Variants in CNTNAP2 observed in about 807,000 individuals in gnomAD.
The protein encoded by CNTNAP2 is contactin-associated protein-like 2.
A neutral mutation model predicts 155.2 loss-of-function variants in CNTNAP2; 98 were observed. The ratio of observed to expected loss-of-function variants is 0.63; its 90% CI spans 0.54 to 0.75. The LOEUF (loss-of-function observed/expected upper bound fraction) is 0.75. Among genes scored for constraint, CNTNAP2 ranks in the 30% least tolerant of loss-of-function variants. The pLI, the probability that CNTNAP2 is intolerant of heterozygous loss-of-function variation, is 0.00. For missense variants in CNTNAP2, 1,727 were observed against 1,688.1 expected, an observed-to-expected ratio of 1.02 and a Z score of -0.40; for synonymous variants, 651 against 631.2, an observed-to-expected ratio of 1.03 and a Z score of -0.47.
At chr7:147,410,272 G>T (rs1047866228) in intron 10 of CNTNAP2, among the ~76,000 whole-genome samples, 1 of 152,184 alleles carries the variant, frequency 6.6e-6, no homozygotes, top group Non-Finnish European at 1.5e-5. Flanking sequence ...ATTATCCTTA[G>T]CAAACTAACA....
At chr7:147,162,671 A>G (rs977776147) in intron 8 of CNTNAP2, among the ~76,000 whole-genome samples, 4 of 152,158 alleles carry the variant, frequency 2.6e-5, no homozygotes, top group African/African-American at 9.7e-5. Context: ...TGTAGTAGTT[A>G]ACCAGCACCC....
At position 147,550,049 on chromosome 7, in the gene CNTNAP2, G is replaced by C. The variant is rs1052941302; in HGVS notation, c.1778-12089G>C. ...GGATTTAGAAGTTGCACTATATAAT[G>C]AGAAATGAGTACTGCAGATCCTTAG... On this transcript the variant is annotated intron_variant, in intron 11 of 23. Coordinates refer to ENST00000361727, the MANE Select transcript of CNTNAP2 (RefSeq NM_014141.6). Among the ~76,000 whole-genome samples the C allele has an allele frequency of 4.6e-5, 7 of 152,266 alleles. No homozygotes were observed. In the East Asian group the frequency reaches 9.6e-4, roughly 21 times the overall value.
intron 13 of CNTNAP2, among the ~76,000 whole-genome samples, chr7:147,752,869 G>C (rs1797158643): frequency 1.3e-5 from 2 of 152,168 alleles, no homozygotes; most frequent in African/African-American, 4.8e-5. Context: ...AAAACAGTCA[G>C]AGGGCATGGC....
chr7:147,021,061 G>A (rs1054187361), intron 3 of CNTNAP2, among the ~76,000 whole-genome samples: 1 of 152,120 alleles, frequency 6.6e-6, no homozygotes, highest in Non-Finnish European at 1.5e-5. Flanking sequence ...AAGGAATCAC[G>A]CAAGTTCAAT....
chr7:146,830,335 A>G (rs1197552201), intron 2 of CNTNAP2, among the ~76,000 whole-genome samples: 1 of 152,096 alleles, frequency 6.6e-6, no homozygotes, highest in Non-Finnish European at 1.5e-5. Flanking sequence ...ATTTTTGAAA[A>G]AGGAAACAAG....
chr7:148,043,319 G>A (rs1802712029), intron 15 of CNTNAP2, among the ~76,000 whole-genome samples: 1 of 152,160 alleles, frequency 6.6e-6, no homozygotes, highest in African/African-American at 2.4e-5. Context: ...ATCAAGGTGT[G>A]TAACAAAGAC....
At chr7:147,007,131 C>A (rs1196722517) in intron 3 of CNTNAP2, among the ~76,000 whole-genome samples, 1 of 152,058 alleles carries the variant, frequency 6.6e-6, no homozygotes, top group Non-Finnish European at 1.5e-5. Flanking sequence ...GTGTTTTTTA[C>A]TATTATGATG....
At chr7:146,746,963 C>T (rs891185166) in intron 1 of CNTNAP2, among the ~76,000 whole-genome samples, 1 of 151,820 alleles carries the variant, frequency 6.6e-6, no homozygotes, top group Non-Finnish European at 1.5e-5. Flanking sequence ...GAAAATAATC[C>T]CCAGAATTGA....
intron 6 of CNTNAP2, among the ~76,000 whole-genome samples, chr7:147,123,513 T>C (rs1013501843): frequency 6.6e-6 from 1 of 152,230 alleles, no homozygotes; most frequent in African/African-American, 2.4e-5. Flanking sequence ...ACTGCAGGTA[T>C]AGACTAAAAT....
At chr7:148,289,595 A>G (rs918847899) in intron 21 of CNTNAP2, among the ~76,000 whole-genome samples, 2 of 151,986 alleles carry the variant, frequency 1.3e-5, no homozygotes, top group African/African-American at 4.8e-5. Context: ...ACACACACAC[A>G]CACACACCCC....
intron 21 of CNTNAP2, among the ~76,000 whole-genome samples, chr7:148,352,457 T>C (rs1273004738): frequency 6.6e-6 from 1 of 152,250 alleles, no homozygotes; most frequent in Non-Finnish European, 1.5e-5. Context: ...ACTTACTGGA[T>C]GAGCAGGTTT....
In CNTNAP2 at chr7:147,889,663, A is replaced by G. The variant is rs192143787; in HGVS notation, c.2099-13902A>G. Among the ~76,000 whole-genome samples the G allele has an allele frequency of 1.1e-4, 16 of 152,326 alleles. No homozygotes were observed. The East Asian group carries it at 3.1e-3, about 29-fold the overall frequency. ...TATAGGTCAGAAGCCTTTAAAAATC[A>G]TTAAGTGTACAGAGCAGCAGTATCC... On this transcript the variant is annotated intron_variant, in intron 13 of 23. Coordinates refer to ENST00000361727, the MANE Select transcript of CNTNAP2 (RefSeq NM_014141.6).
chr7:147,325,561 G>GT (rs1479391446), intron 9 of CNTNAP2, among the ~76,000 whole-genome samples: 4 of 152,118 alleles, frequency 2.6e-5, no homozygotes, highest in African/African-American at 9.7e-5. Context: ...AAAATGAAGC[G>GT]TAACTCCTAT....
At chr7:147,660,122 T>G (rs774926549) in intron 13 of CNTNAP2, among the ~76,000 whole-genome samples, 10 of 152,240 alleles carry the variant, frequency 6.6e-5, no homozygotes, top group Non-Finnish European at 8.8e-5. Context: ...GTTATGCCAT[T>G]TTGCTCAACA....
At chr7:147,669,598 T>C (rs1340456072) in intron 13 of CNTNAP2, among the ~76,000 whole-genome samples, 4 of 152,214 alleles carry the variant, frequency 2.6e-5, no homozygotes, top group Non-Finnish European at 4.4e-5. Flanking sequence ...AGTTTATTGG[T>C]AGTCGTTACT....
At chr7:147,115,021 T>A (rs1484792213) in intron 5 of CNTNAP2, among the ~76,000 whole-genome samples, 1 of 152,244 alleles carries the variant, frequency 6.6e-6, no homozygotes, top group Admixed American at 6.5e-5. Flanking sequence ...ATAAATTCTC[T>A]CAGCATTTGC....
chr7:146,458,245 T>C (rs187780336), intron 1 of CNTNAP2, among the ~76,000 whole-genome samples: 1 of 152,136 alleles, frequency 6.6e-6, no homozygotes, highest in East Asian at 1.9e-4. Flanking sequence ...CCATCTCACA[T>C]GTTTACTTCT....
At chr7:147,576,292 T>G (rs1429075307) in intron 12 of CNTNAP2, among the ~76,000 whole-genome samples, 1 of 152,020 alleles carries the variant, frequency 6.6e-6, no homozygotes, top group African/African-American at 2.4e-5. Context: ...CCAATCTCAG[T>G]GCTAAATAAG....
intron 1 of CNTNAP2, among the ~76,000 whole-genome samples, chr7:146,386,987 C>T (rs568596873): frequency 8.6e-4 from 131 of 152,162 alleles, no homozygotes; most frequent in African/African-American, 2.7e-3. Flanking sequence ...GGAGAATGCC[C>T]CTAAAATAGA....
Sources: gnomAD v4.1 joint callset for allele counts (sites outside exome capture counted in the v4.1 genomes callset) on GRCh38, gnomAD v4.1.1 for gene constraint, MANE v1.5 for transcripts, NCBI Gene and HGNC (gene_info 2026-07-23, HGNC 2026-07-21) for gene names.